Variants in MACROD2 observed in about 807,000 individuals in gnomAD.
MACROD2 encodes mono-ADP ribosylhydrolase 2.
Under a neutral mutation model 70.4 loss-of-function variants are expected in MACROD2, and 36 were observed. The observed-to-expected ratio is 0.51, with a 90% CI of 0.39 to 0.68. The LOEUF (loss-of-function observed/expected upper bound fraction) is 0.68, where lower values mean the gene tolerates loss of function less well. Among genes scored for constraint, MACROD2 ranks in the 30% least tolerant of loss-of-function variants. The probability of loss-of-function intolerance (pLI) is 0.00; values close to 1 mark genes in which losing one functional copy is unlikely to be tolerated. For synonymous variants in MACROD2, 172 were observed against 178.8 expected (o/e 0.96, Z 0.30); for missense variants, 496 against 538.4 (o/e 0.92, Z 0.78).
At chr20:15,493,668 A>G (rs558966154) in intron 7 of MACROD2, among the ~76,000 whole-genome samples, 1 of 152,332 alleles carries the variant, frequency 6.6e-6, no homozygotes, top group East Asian at 1.9e-4. Context: ...AAATATCAAT[A>G]ACAGTAAAAA....
chr20:15,476,015 CT>C (rs2047017807), intron 7 of MACROD2, among the ~76,000 whole-genome samples: 1 of 152,200 alleles, frequency 6.6e-6, no homozygotes, highest in Non-Finnish European at 1.5e-5. Flanking sequence ...GGGGCCACCC[CT>C]ATTCTTCCAT....
intron 4 of MACROD2, among the ~76,000 whole-genome samples, chr20:14,638,949 CAAAA>C (rs11480800): frequency 6.9e-5 from 6 of 87,570 alleles, no homozygotes; most frequent in Admixed American, 1.2e-4. Context: ...GACTATGTCT[CAAAA>C]AAAAAAAAAA....
intron 5 of MACROD2, among the ~76,000 whole-genome samples, chr20:14,768,735 G>C (rs1381891726): frequency 6.6e-6 from 1 of 151,976 alleles, no homozygotes; most frequent in Non-Finnish European, 1.5e-5. Flanking sequence ...TCCTTCCTCA[G>C]CCTCCCATGT....
At chr20:15,984,661 G>T in intron 13 of MACROD2, among the ~76,000 whole-genome samples, 1 of 141,704 alleles carries the variant, frequency 7.1e-6, no homozygotes, top group African/African-American at 2.7e-5. Context: ...TTTTTAAAGC[G>T]AACTTTCTTT....
At chr20:14,035,111 A>C (rs111418120) in intron 2 of MACROD2, among the ~76,000 whole-genome samples, 3,531 of 152,254 alleles carry the variant, frequency 0.023, 55 homozygotes, top group Non-Finnish European at 0.039. Context: ...TCTGTTATTC[A>C]TCAGTCTTTT....
At chr20:15,441,989 T>C (rs1020580976) in intron 7 of MACROD2, among the ~76,000 whole-genome samples, 23 of 152,174 alleles carry the variant, frequency 1.5e-4, no homozygotes, top group Admixed American at 6.6e-4. Flanking sequence ...AGAACTGTTT[T>C]GGAGTGTTGA....
intron 3 of MACROD2, among the ~76,000 whole-genome samples, chr20:14,247,863 T>C (rs1247202969): frequency 6.6e-6 from 1 of 152,174 alleles, no homozygotes; most frequent in Non-Finnish European, 1.5e-5. Context: ...GAATTCCTCC[T>C]CATCCCTATA....
intron 4 of MACROD2, among the ~76,000 whole-genome samples, chr20:14,524,673 C>G (rs1245896257): frequency 6.6e-6 from 1 of 152,194 alleles, no homozygotes; most frequent in Non-Finnish European, 1.5e-5. Context: ...CTTGGACTCA[C>G]TGCTCCCTTG....
intron 5 of MACROD2, among the ~76,000 whole-genome samples, chr20:15,222,975 C>A (rs893321273): frequency 6.6e-6 from 1 of 152,174 alleles, no homozygotes; most frequent in African/African-American, 2.4e-5. Flanking sequence ...TCCCCCACAC[C>A]TCTTTCAAAG....
Position 14,684,956 on chromosome 20 carries a change from A to G in MACROD2, c.415A>G (p.Lys139Glu). ...CACATGTGGCTATGACCTTCCTGCA[A>G]AATGTGAGTACAACTGAATACTGTT... ...KITCGYDLPA[K>E]YVIHTVGPIA... The change falls in exon 5 of 18, where the codon AAA (lysine) becomes GAA (glutamate). Residue 139 changes from lysine to glutamate, a missense_variant. Coordinates refer to ENST00000684519, the MANE Select transcript of MACROD2 (RefSeq NM_001351661.2). The G allele has an allele frequency of 6.2e-7, 1 of 1,609,864 alleles. No homozygotes were observed. Among genetic ancestry groups the G allele is most frequent in the Admixed American group, 1.7e-5 (1 of 59,996 alleles).
intron 10 of MACROD2, among the ~76,000 whole-genome samples, chr20:15,905,263 C>T (rs1320605611): frequency 6.6e-6 from 1 of 152,172 alleles, no homozygotes; most frequent in Non-Finnish European, 1.5e-5. Flanking sequence ...TCTTTTAAAA[C>T]TCCTCTGAAA....
At chr20:15,782,717 C>CAAAAAAAAAAAAAAAAAAAAAAA (rs11472322) in intron 8 of MACROD2, among the ~76,000 whole-genome samples, 1 of 83,358 alleles carries the variant, frequency 1.2e-5, no homozygotes, top group Non-Finnish European at 2.4e-5. Flanking sequence ...AGAGAAATGG[C>CAAAAAAAAAAAAAAAAAAAAAAA]AAAAAAAAAA....
At chr20:15,494,687 C>T (rs962766993) in intron 7 of MACROD2, among the ~76,000 whole-genome samples, 2 of 151,020 alleles carry the variant, frequency 1.3e-5, no homozygotes, top group African/African-American at 4.9e-5. Context: ...CAGGACAAGG[C>T]AGCTTTCTGG....
intron 8 of MACROD2, among the ~76,000 whole-genome samples, chr20:15,806,065 C>T (rs1200979935): frequency 6.6e-6 from 1 of 152,182 alleles, no homozygotes; most frequent in African/African-American, 2.4e-5. Flanking sequence ...GAGATATAGT[C>T]AGTATTTCAT....
intron 5 of MACROD2, among the ~76,000 whole-genome samples, chr20:15,073,065 A>G (rs1568559706): frequency 6.6e-6 from 1 of 152,138 alleles, no homozygotes; most frequent in African/African-American, 2.4e-5. Context: ...GGCCTCTACC[A>G]GAAGCTAGCA....
chr20:15,433,603 G>C (rs1453286936), intron 7 of MACROD2, among the ~76,000 whole-genome samples: 1 of 151,784 alleles, frequency 6.6e-6, no homozygotes, highest in East Asian at 1.9e-4. Flanking sequence ...CATGCTCATG[G>C]ATGGGTAGAA....
chr20:15,704,418 G>A (rs565550426), intron 8 of MACROD2, among the ~76,000 whole-genome samples: 1 of 152,018 alleles, frequency 6.6e-6, no homozygotes, highest in South Asian at 2.1e-4. Context: ...ACCTGCATAA[G>A]GCATTGAAAA....
intron 5 of MACROD2, among the ~76,000 whole-genome samples, chr20:14,790,867 C>CACCAAACTGAGACTG (rs2072442413): frequency 6.6e-6 from 1 of 152,076 alleles, no homozygotes; most frequent in Admixed American, 6.5e-5. Context: ...CTCCTCTGTA[C>CACCAAACTGAGACTG]ATTTCCTCAA....
At chr20:14,837,142 G>A (rs979991003) in intron 5 of MACROD2, among the ~76,000 whole-genome samples, 5 of 151,962 alleles carry the variant, frequency 3.3e-5, no homozygotes, top group Non-Finnish European at 5.9e-5. Context: ...TAAAGTGGAA[G>A]TGTTTATTAT....
Sources: allele counts gnomAD v4.1 joint callset (sites outside exome capture counted in the v4.1 genomes callset), GRCh38; gene constraint gnomAD v4.1.1; transcripts MANE v1.5; gene names NCBI Gene and HGNC (gene_info 2026-07-23, HGNC 2026-07-21).